Variants in ZNF385D observed in about 807,000 individuals in gnomAD.
ZNF385D encodes zinc finger protein 385D, also known as zinc finger protein 659.
In ZNF385D, 15 loss-of-function variants were observed where a neutral mutation model predicts 35.8. The ratio of observed to expected loss-of-function variants is 0.42; its 90% CI spans 0.28 to 0.64. The LOEUF is 0.64. Ranked by LOEUF, ZNF385D falls within the 30% of genes least tolerant of loss-of-function variation. The pLI is 0.23. For missense variants in ZNF385D, 474 were observed against 494.6 expected (o/e 0.96, Z 0.39); for synonymous variants, 212 against 186.8 (o/e 1.13, Z -1.10).
chr3:22,314,887 A>G (rs550775009), intron 2 of ZNF385D, among the ~76,000 whole-genome samples: 1 of 152,276 alleles, frequency 6.6e-6, no homozygotes, highest in African/African-American at 2.4e-5. Flanking sequence ...CAGATGGTAG[A>G]GGGATTGTGC....
chr3:22,266,520 A>G (rs13082449), intron 2 of ZNF385D, among the ~76,000 whole-genome samples: 1 of 151,968 alleles, frequency 6.6e-6, no homozygotes, highest in South Asian at 2.1e-4. Context: ...ATTAATAATA[A>G]CAATACCTGG....
At chr3:21,904,111 TG>T (rs1202114006) in intron 3 of ZNF385D, among the ~76,000 whole-genome samples, 3 of 151,898 alleles carry the variant, frequency 2.0e-5, no homozygotes, top group African/African-American at 7.2e-5. Flanking sequence ...GAGACCATCC[TG>T]GACAACATGG....
chr3:21,865,450 T>C (rs909397628), intron 3 of ZNF385D, among the ~76,000 whole-genome samples: 1 of 152,126 alleles, frequency 6.6e-6, no homozygotes, highest in Admixed American at 6.5e-5. Flanking sequence ...TTAAGGCATT[T>C]TGAATGGGTC....
At chr3:22,080,546 C>A (rs1367685965) in intron 3 of ZNF385D, among the ~76,000 whole-genome samples, 1 of 151,860 alleles carries the variant, frequency 6.6e-6, no homozygotes, top group East Asian at 1.9e-4. Flanking sequence ...TTTATAAACT[C>A]TTATACATAT....
chr3:22,105,745 C>A (rs903332593), intron 3 of ZNF385D, among the ~76,000 whole-genome samples: 16 of 152,164 alleles, frequency 1.1e-4, no homozygotes, highest in Admixed American at 5.9e-4. Context: ...TGATGCCTAC[C>A]AACATTGGGG....
intron 2 of ZNF385D, among the ~76,000 whole-genome samples, chr3:21,652,624 C>T (rs1025274130): frequency 3.4e-5 from 5 of 148,982 alleles, no homozygotes; most frequent in African/African-American, 9.9e-5. Flanking sequence ...TCCCTCCCCC[C>T]TCCCCCAACC....
intron 3 of ZNF385D, among the ~76,000 whole-genome samples, chr3:22,014,993 CAT>C (rs1696795921): frequency 6.6e-6 from 1 of 151,874 alleles, no homozygotes; most frequent in African/African-American, 2.4e-5. Context: ...ATTCATCATA[CAT>C]GTCTTTGTTG....
chr3:22,075,340 T>G (rs979536794), intron 3 of ZNF385D, among the ~76,000 whole-genome samples: 15 of 151,844 alleles, frequency 9.9e-5, no homozygotes, highest in African/African-American at 3.6e-4. Flanking sequence ...TGCAATCACC[T>G]CTCCTCCCTC....
chr3:21,997,873 G>T (rs1439459733), intron 3 of ZNF385D, among the ~76,000 whole-genome samples: 20 of 42,510 alleles, frequency 4.7e-4, no homozygotes, highest in East Asian at 1.2e-3. Flanking sequence ...GCGCGCGCGC[G>T]TGTGTGTGTG....
chr3:22,331,390 CAAT>C (rs1205064644), intron 2 of ZNF385D, among the ~76,000 whole-genome samples: 1 of 152,014 alleles, frequency 6.6e-6, no homozygotes, highest in Non-Finnish European at 1.5e-5. Flanking sequence ...GAAACTCTAA[CAAT>C]GGTTATAAAC....
intron 2 of ZNF385D, among the ~76,000 whole-genome samples, chr3:22,182,314 G>A (rs1382851520): frequency 6.6e-6 from 1 of 152,060 alleles, no homozygotes; most frequent in African/African-American, 2.4e-5. Flanking sequence ...CCAAAACCAT[G>A]TTTTTTAGTT....
At chr3:22,235,934 C>T (rs765922093) in intron 2 of ZNF385D, among the ~76,000 whole-genome samples, 3 of 152,044 alleles carry the variant, frequency 2.0e-5, no homozygotes, top group Non-Finnish European at 4.4e-5. Context: ...TTCAAAACTG[C>T]ACATGCACTT....
chr3:22,313,080 T>G (rs2125431591), intron 2 of ZNF385D, among the ~76,000 whole-genome samples: 1 of 152,162 alleles, frequency 6.6e-6, no homozygotes, highest in Non-Finnish European at 1.5e-5. Flanking sequence ...TAAAAAATGA[T>G]GAGTTCATGT....
At position 21,418,025 on chromosome 3, in the gene ZNF385D, G is replaced by T. The variant is rs1270794375; in HGVS notation, c.*3189C>A. 2.6e-5 allele frequency: 4 copies of T among 152,108 alleles called. No homozygotes were observed. Among genetic ancestry groups the T allele is most frequent in the Non-Finnish European group, 5.9e-5 (4 of 68,004 alleles). The allele number at this position is 152,108 out of a possible 1,614,324, so 9.4% of individuals were successfully genotyped here. A position where few individuals can be genotyped will look rare whatever the true frequency, so the allele number is the denominator to read the frequency against. ...GAGGAGCAATTTATCATGTGTAATTGCCTGTTTTCTCATAAGAGAAATACA... is the reference window on the plus strand; with the variant it reads ...GAGGAGCAATTTATCATGTGTAATTTCCTGTTTTCTCATAAGAGAAATACA... On this transcript the variant is annotated 3_prime_UTR_variant, in exon 8 of 8. Transcript: ENST00000281523.
intron 2 of ZNF385D, among the ~76,000 whole-genome samples, chr3:22,362,450 A>T (rs1696457443): frequency 6.6e-6 from 1 of 152,036 alleles, no homozygotes; most frequent in African/African-American, 2.4e-5. Flanking sequence ...CTAAGGTCAA[A>T]CTCTTCTTTA....
intron 4 of ZNF385D, among the ~76,000 whole-genome samples, chr3:21,507,352 AAT>A (rs1706850665): frequency 6.6e-6 from 1 of 152,054 alleles, no homozygotes; most frequent in South Asian, 2.1e-4. Context: ...GGGTTTTTAA[AAT>A]ATATATATAA....
chr3:21,569,922 A>AGGGGGGGTGG (rs1575210384), intron 2 of ZNF385D, among the ~76,000 whole-genome samples: 1 of 115,344 alleles, frequency 8.7e-6, no homozygotes, highest in Non-Finnish European at 1.7e-5. Context: ...GTGGGGGGGC[A>AGGGGGGGTGG]GGGAGGGATA....
At chr3:22,345,902 G>A (rs972267271) in intron 2 of ZNF385D, among the ~76,000 whole-genome samples, 6 of 152,130 alleles carry the variant, frequency 3.9e-5, no homozygotes, top group Non-Finnish European at 8.8e-5. Flanking sequence ...ATCTCTGAGG[G>A]GCTATTCCAG....
intron 3 of ZNF385D, among the ~76,000 whole-genome samples, chr3:22,156,915 T>A (rs1705625783): frequency 6.6e-6 from 1 of 152,126 alleles, no homozygotes; most frequent in African/African-American, 2.4e-5. Flanking sequence ...TTAAACAGCT[T>A]CTCAAAGATA....
Sources: gnomAD v4.1 joint callset for allele counts (sites outside exome capture counted in the v4.1 genomes callset) on GRCh38, gnomAD v4.1.1 for gene constraint, MANE v1.5 for transcripts, NCBI Gene and HGNC (gene_info 2026-07-23, HGNC 2026-07-21) for gene names.